Variants in GPC6 observed in about 807,000 individuals in gnomAD.
The protein encoded by GPC6 is glypican 6, also known as glypican-6.
A neutral mutation model predicts 55.2 loss-of-function variants in GPC6; 14 were observed. The ratio of observed to expected loss-of-function variants is 0.25; its 90% CI spans 0.17 to 0.40. The LOEUF (loss-of-function observed/expected upper bound fraction) is 0.40. GPC6 is among the 10% of genes least tolerant of loss of function. GPC6 has a pLI of 1.00. For missense variants in GPC6, 641 were observed against 708.5 expected (o/e 0.90, Z 1.08); for synonymous variants, 278 against 259.6 (o/e 1.07, Z -0.68).
chr13:93,250,007 T>C (rs2139026872), intron 1 of GPC6, among the ~76,000 whole-genome samples: 1 of 152,302 alleles, frequency 6.6e-6, no homozygotes, highest in South Asian at 2.1e-4. Flanking sequence ...TGATCAGTTT[T>C]GCCTTTCTAG....
At chr13:94,067,968 C>CATAAAA in intron 4 of GPC6, among the ~76,000 whole-genome samples, 1 of 152,308 alleles carries the variant, frequency 6.6e-6, no homozygotes, top group East Asian at 1.9e-4. Context: ...ATGGACTCCT[C>CATAAAA]AGTGGTGGCA....
intron 2 of GPC6, among the ~76,000 whole-genome samples, chr13:93,714,028 A>C (rs1883162306): frequency 6.6e-6 from 1 of 151,950 alleles, no homozygotes; most frequent in Non-Finnish European, 1.5e-5. Context: ...AGCCTTGAGA[A>C]AGAATTTATG....
At chr13:93,433,929 A>G (rs1877467567) in intron 1 of GPC6, among the ~76,000 whole-genome samples, 1 of 152,220 alleles carries the variant, frequency 6.6e-6, no homozygotes, top group South Asian at 2.1e-4. Context: ...AGTTCACGCT[A>G]TGTATAGATG....
At chr13:94,088,536 A>C (rs2138807911) in intron 4 of GPC6, among the ~76,000 whole-genome samples, 1 of 105,082 alleles carries the variant, frequency 9.5e-6, no homozygotes, top group South Asian at 4.6e-4. Flanking sequence ...ATTAAAAAGA[A>C]AAAGAGAGGG....
intron 4 of GPC6, among the ~76,000 whole-genome samples, chr13:94,256,584 C>T (rs1891511287): frequency 6.6e-6 from 1 of 152,154 alleles, no homozygotes; most frequent in Non-Finnish European, 1.5e-5. Flanking sequence ...TGAGGTCCAG[C>T]TCAGGCACTA....
rs1037041563 is a variant in GPC6 at position 93,840,010 on chromosome 13, C to G, written c.711+9465C>G. Among the ~76,000 whole-genome samples, 5 of 152,198 alleles carry G rather than the reference C, an allele frequency of 3.3e-5. No individual in the cohort carries two copies. In the South Asian group the frequency reaches 1.0e-3, roughly 32 times the overall value. ...ATGAATTAGGGAGGGTTCCTTCTTT[C>G]TCTATCTTGTGGAATAGTGTCAAAA... On this transcript the variant is annotated intron_variant, in intron 3 of 8. Transcript: ENST00000377047.
chr13:93,453,401 G>A (rs965464156), intron 1 of GPC6, among the ~76,000 whole-genome samples: 9 of 151,896 alleles, frequency 5.9e-5, no homozygotes, highest in African/African-American at 1.9e-4. Flanking sequence ...TAGACTTTGT[G>A]GAGTGCTTAC....
At chr13:93,776,776 T>A (rs1491001586) in intron 2 of GPC6, among the ~76,000 whole-genome samples, 5 of 152,150 alleles carry the variant, frequency 3.3e-5, no homozygotes, top group Non-Finnish European at 7.4e-5. Flanking sequence ...CATAAAACAT[T>A]TCATCAGGAC....
intron 4 of GPC6, among the ~76,000 whole-genome samples, chr13:94,074,773 A>G (rs9524322): frequency 0.12 from 17,801 of 152,268 alleles, 1,346 homozygotes; most frequent in East Asian, 0.29. Flanking sequence ...AAGATGATCT[A>G]CATAACCATG....
chr13:94,002,393 A>G (rs933828579), intron 3 of GPC6, among the ~76,000 whole-genome samples: 4 of 152,330 alleles, frequency 2.6e-5, no homozygotes, highest in Admixed American at 2.6e-4. Flanking sequence ...TATTTTTTCT[A>G]TGCCTACTGA....
Position 93,895,262 on chromosome 13 carries a change from A to G in GPC6, c.711+64717A>G, listed in dbSNP as rs1389609546. ...TATATATATATATATATATATATAT[A>G]TATATATATATATATGTAACTGTTC... On this transcript the variant is annotated intron_variant, in intron 3 of 8. Coordinates refer to ENST00000377047, the MANE Select transcript of GPC6 (RefSeq NM_005708.5). 4.8e-3 allele frequency among the ~76,000 whole-genome samples: 630 copies of G among 130,596 alleles called. 21 individuals carry two copies. Among genetic ancestry groups the G allele is most frequent in the African/African-American group, 5.2e-3 (169 of 32,554 alleles). The allele number at this position is 130,596 out of a possible 152,430, so 85.7% of individuals were successfully genotyped here. A position where few individuals can be genotyped will look rare whatever the true frequency, so the allele number is the denominator to read the frequency against.
At chr13:93,998,493 A>G (rs1005286314) in intron 3 of GPC6, among the ~76,000 whole-genome samples, 1 of 152,146 alleles carries the variant, frequency 6.6e-6, no homozygotes, top group African/African-American at 2.4e-5. Context: ...TGCCTTCTTT[A>G]CTTCCCTCTG....
intron 1 of GPC6, among the ~76,000 whole-genome samples, chr13:93,472,279 T>G (rs1377283126): frequency 6.6e-6 from 1 of 152,214 alleles, no homozygotes; most frequent in Non-Finnish European, 1.5e-5. Flanking sequence ...CGCATTTTCC[T>G]AGGGCCCACA....
intron 4 of GPC6, among the ~76,000 whole-genome samples, chr13:94,240,141 T>G (rs1355318735): frequency 1.3e-5 from 2 of 151,996 alleles, no homozygotes; most frequent in African/African-American, 2.4e-5. Flanking sequence ...ACAAAAAAAG[T>G]TCCCCCTCTC....
At chr13:93,823,384 G>C (rs932077418) in intron 2 of GPC6, among the ~76,000 whole-genome samples, 3 of 151,610 alleles carry the variant, frequency 2.0e-5, no homozygotes, top group African/African-American at 7.3e-5. Context: ...TTGGATCTCT[G>C]GGTTGCATTC....
intron 1 of GPC6, among the ~76,000 whole-genome samples, chr13:93,273,232 T>C (rs1470942447): frequency 6.6e-6 from 1 of 152,046 alleles, no homozygotes; most frequent in South Asian, 2.1e-4. Flanking sequence ...AAATCATATC[T>C]AGGTAAAAAG....
chr13:93,835,870 T>A (rs1887713451), intron 3 of GPC6, among the ~76,000 whole-genome samples: 1 of 152,208 alleles, frequency 6.6e-6, no homozygotes, highest in Admixed American at 6.5e-5. Context: ...ATTGATTTAT[T>A]ACAGACAAAT....
At chr13:94,227,915 C>T (rs926966910) in intron 4 of GPC6, among the ~76,000 whole-genome samples, 1 of 152,146 alleles carries the variant, frequency 6.6e-6, no homozygotes, top group African/African-American at 2.4e-5. Flanking sequence ...AATTAACACA[C>T]GGTATTTCAC....
At chr13:94,375,443 T>G (rs1879801631) in intron 6 of GPC6, among the ~76,000 whole-genome samples, 2 of 151,606 alleles carry the variant, frequency 1.3e-5, no homozygotes, top group South Asian at 4.2e-4. Context: ...AACTAGAAAA[T>G]CTAGAAGAAA....
Sources: gnomAD v4.1 joint callset for allele counts (sites outside exome capture counted in the v4.1 genomes callset) on GRCh38, gnomAD v4.1.1 for gene constraint, MANE v1.5 for transcripts, NCBI Gene and HGNC (gene_info 2026-07-23, HGNC 2026-07-21) for gene names.